Variants in MYO16 observed in about 807,000 individuals in gnomAD.
The protein encoded by MYO16 is unconventional myosin-XVI.
In MYO16, 94 loss-of-function variants were observed where a neutral mutation model predicts 205.3. The ratio of observed to expected loss-of-function variants is 0.46; its 90% CI spans 0.39 to 0.54. The LOEUF is 0.54. Ranked by LOEUF, MYO16 falls within the 20% of genes least tolerant of loss-of-function variation. The pLI is 0.00. For missense variants in MYO16, 2,315 were observed against 2,387.5 expected, an observed-to-expected ratio of 0.97 and a Z score of 0.63; for synonymous variants, 988 against 954.0, an observed-to-expected ratio of 1.04 and a Z score of -0.66.
chr13:108,977,133 G>A (rs1164337304), intron 20 of MYO16, among the ~76,000 whole-genome samples: 1 of 152,078 alleles, frequency 6.6e-6, no homozygotes, highest in African/African-American at 2.4e-5. Flanking sequence ...ATCCTATGGT[G>A]TATTTTATTC....
At chr13:109,099,078 A>G (rs938289613) in intron 27 of MYO16, among the ~76,000 whole-genome samples, 1 of 152,092 alleles carries the variant, frequency 6.6e-6, no homozygotes, top group Non-Finnish European at 1.5e-5. Context: ...GTCAACTTCC[A>G]ATGGTCAGCC....
chr13:108,758,624 A>C (rs940005694), intron 4 of MYO16, among the ~76,000 whole-genome samples: 1 of 152,210 alleles, frequency 6.6e-6, no homozygotes, highest in Non-Finnish European at 1.5e-5. Context: ...AGAAGAACAG[A>C]CATGACCGTC....
intron 3 of MYO16, among the ~76,000 whole-genome samples, chr13:108,719,483 T>C (rs1884077803): frequency 6.6e-6 from 1 of 151,804 alleles, no homozygotes. Context: ...GGCCAGCAGC[T>C]CACCACGGTC....
chr13:109,014,128 T>G lies in MYO16; in HGVS notation c.2595+5079T>G, dbSNP rs558810441. Among the ~76,000 whole-genome samples the G allele has an allele frequency of 7.2e-5, 11 of 152,364 alleles. No individual in the cohort carries two copies. In the South Asian group the frequency reaches 2.1e-3, roughly 29 times the overall value. Reference sequence around the variant, plus strand: ...TATCATTTAAGTCTTTAATCCATCTTGAATTAAATTTTGTATAAGGTGTAA... The same window carrying G: ...TATCATTTAAGTCTTTAATCCATCTGGAATTAAATTTTGTATAAGGTGTAA... On this transcript the variant is annotated intron_variant, in intron 22 of 34. Coordinates refer to ENST00000457511, the MANE Select transcript of MYO16 (RefSeq NM_001198950.3).
At chr13:109,099,304 T>C (rs1888878846) in intron 27 of MYO16, among the ~76,000 whole-genome samples, 1 of 152,164 alleles carries the variant, frequency 6.6e-6, no homozygotes, top group African/African-American at 2.4e-5. Context: ...AAATATAAAA[T>C]AAACAGCAAG....
At chr13:108,861,925 A>G (rs1290528882) in intron 11 of MYO16, among the ~76,000 whole-genome samples, 1 of 152,178 alleles carries the variant, frequency 6.6e-6, no homozygotes, top group Non-Finnish European at 1.5e-5. Flanking sequence ...ATTTAAAAGA[A>G]GCAAAGTGTA....
chr13:109,008,863 CT>C, intron 21 of MYO16, 33 bp from the exon 22 acceptor site: 1 of 1,599,140 alleles, frequency 6.3e-7, no homozygotes, highest in Non-Finnish European at 8.5e-7. Flanking sequence ...ACTGTACTAT[CT>C]GGTGAAATGT....
At chr13:109,010,976 T>TATATATATATATATATATATATA (rs59979915) in intron 22 of MYO16, among the ~76,000 whole-genome samples, 47 of 143,120 alleles carry the variant, frequency 3.3e-4, no homozygotes, top group African/African-American at 4.9e-4. Context: ...TATATATATA[T>TATATATATATATATATATATATA]TTCTTCACCT....
chr13:108,966,195 G>A (rs1198132152), intron 20 of MYO16, among the ~76,000 whole-genome samples: 1 of 152,098 alleles, frequency 6.6e-6, no homozygotes, highest in Non-Finnish European at 1.5e-5. Context: ...GAGGACTCTT[G>A]ATTTTGCTAT....
intron 23 of MYO16, among the ~76,000 whole-genome samples, chr13:109,045,999 C>G (rs454455): frequency 4.3e-4 from 65 of 151,702 alleles, no homozygotes; most frequent in African/African-American, 1.5e-3. Flanking sequence ...TTCTCCCTCA[C>G]GGCGGATGCT....
chr13:108,979,631 G>A (rs960293621), intron 20 of MYO16, among the ~76,000 whole-genome samples: 36 of 151,846 alleles, frequency 2.4e-4, no homozygotes, highest in African/African-American at 6.8e-4. Flanking sequence ...AGCAAATATC[G>A]GAGACAAACC....
rs181663534 is a variant in MYO16 at position 108,601,893 on chromosome 13, A to T, written c.-39+5654A>T. Among the ~76,000 whole-genome samples, 595 of 152,084 alleles carry T rather than the reference A, an allele frequency of 3.9e-3. 14 individuals carry two copies. The South Asian group carries it at 0.075, about 19-fold the overall frequency. On this transcript the variant is annotated intron_variant, in intron 1 of 24. Transcript: ENST00000251041. ...GTGTGACTTTGAAATTGGTGCTCTC[A>T]ATTCTTTCAACCTGCTGTGGACTGA...
At chr13:109,116,940 A>T (rs1875719843) in intron 28 of MYO16, among the ~76,000 whole-genome samples, 2 of 152,164 alleles carry the variant, frequency 1.3e-5, no homozygotes, top group African/African-American at 4.8e-5. Flanking sequence ...TGCCTAAGCA[A>T]ATCTGCACTG....
chr13:109,101,747 A>T (rs1888974360), intron 28 of MYO16: 1 of 152,200 alleles, frequency 6.6e-6, no homozygotes, highest in Non-Finnish European at 1.5e-5. Flanking sequence ...GGCAAAAACA[A>T]ATGGTAGCTA....
At chr13:108,796,992 G>C (rs1320593771) in intron 6 of MYO16, among the ~76,000 whole-genome samples, 1 of 152,094 alleles carries the variant, frequency 6.6e-6, no homozygotes, top group Non-Finnish European at 1.5e-5. Flanking sequence ...AAACCGGAGA[G>C]TTTGTTTAGG....
chr13:108,968,077 G>A (rs1387393526), intron 20 of MYO16, among the ~76,000 whole-genome samples: 1 of 152,102 alleles, frequency 6.6e-6, no homozygotes, highest in Non-Finnish European at 1.5e-5. Flanking sequence ...CTCCAGTAAC[G>A]CAAGCACAGT....
intron 16 of MYO16, among the ~76,000 whole-genome samples, chr13:108,929,040 G>A (rs1882135842): frequency 6.6e-6 from 1 of 152,048 alleles, no homozygotes; most frequent in Admixed American, 6.6e-5. Context: ...AAAACAAAAG[G>A]TATAGTCACA....
intron 2 of MYO16, among the ~76,000 whole-genome samples, chr13:108,686,652 G>A (rs961692559): frequency 9.9e-5 from 15 of 152,170 alleles, no homozygotes; most frequent in African/African-American, 3.1e-4. Context: ...CCAGAGGAGC[G>A]AATGTCTGAA....
At chr13:109,017,232 T>G (rs887344475) in intron 22 of MYO16, among the ~76,000 whole-genome samples, 1 of 152,208 alleles carries the variant, frequency 6.6e-6, no homozygotes, top group African/African-American at 2.4e-5. Context: ...GAAGCTTAGT[T>G]TGGCTGGATG....
Sources: allele counts gnomAD v4.1 joint callset (sites outside exome capture counted in the v4.1 genomes callset), GRCh38; gene constraint gnomAD v4.1.1; transcripts MANE v1.5; gene names NCBI Gene and HGNC (gene_info 2026-07-23, HGNC 2026-07-21).